Variants in CCDC15 observed in about 807,000 individuals in gnomAD.
CCDC15 encodes the protein coiled-coil domain-containing protein 15.
CCDC15 carries 105 observed loss-of-function variants against 114.5 expected under a neutral mutation model. The observed-to-expected ratio is 0.92, with a 90% CI of 0.78 to 1.08. The LOEUF is 1.08. Ranked by LOEUF, CCDC15 falls within the 50% of genes least tolerant of loss-of-function variation. CCDC15 has a pLI of 0.00. For synonymous variants in CCDC15, 334 were observed against 377.8 expected (o/e 0.88, Z 1.34); for missense variants, 1,105 against 1,093.6 (o/e 1.01, Z -0.15).
intron 13 of CCDC15, among the ~76,000 whole-genome samples, chr11:125,018,014 AATTT>A (rs909621202): frequency 1.3e-5 from 2 of 152,094 alleles, no homozygotes; most frequent in Non-Finnish European, 2.9e-5. Context: ...AGCTGAGGTT[AATTT>A]ATTATTGAAG....
intron 11 of CCDC15, among the ~76,000 whole-genome samples, chr11:125,001,055 G>T (rs1488862486): frequency 6.6e-6 from 1 of 152,098 alleles, no homozygotes; most frequent in Non-Finnish European, 1.5e-5. Context: ...TTTCCATAAG[G>T]TACACCACTG....
chr11:125,006,937 C>A (rs1397373969), intron 13 of CCDC15, among the ~76,000 whole-genome samples: 1 of 152,062 alleles, frequency 6.6e-6, no homozygotes, highest in African/African-American at 2.4e-5. Context: ...GCTTTACTTA[C>A]ATATTTTTAT....
chr11:124,955,700 A>G (rs1947536444), intron 2 of CCDC15, among the ~76,000 whole-genome samples: 1 of 152,358 alleles, frequency 6.6e-6, no homozygotes, highest in Admixed American at 6.5e-5. Context: ...AGGATGAGAT[A>G]TGTTCCCTCA....
intron 13 of CCDC15, 125 bp from the exon 14 acceptor site, chr11:125,038,306 G>A: frequency 3.3e-6 from 2 of 598,240 alleles, no homozygotes; most frequent in East Asian, 6.5e-5. Flanking sequence ...GGATATTCTT[G>A]GGATATTAAA....
In CCDC15 at chr11:124,986,704, C is replaced by CGT. The variant is rs767217050; in HGVS notation, c.754-37_754-36insTG. On this transcript the variant is annotated intron_variant, in intron 6 of 15. Transcript: ENST00000344762. Reference sequence around the variant, plus strand: ...GTGTGTGTGTGTTTGTGTGTGTGCGCGCGCGCGCGTGCGCGTTTTCATTGT... The same window carrying CGT: ...GTGTGTGTGTGTTTGTGTGTGTGCGCGTGCGCGCGCGTGCGCGTTTTCATTGT... 4.9e-5 allele frequency: 69 copies of CGT among 1,409,892 alleles called. 1 individual carries two copies. In the South Asian group the frequency reaches 7.2e-4, roughly 15 times the overall value. 87.3% of individuals were successfully genotyped at this position (1,409,892 alleles called of 1,614,324 possible).
At chr11:125,029,425 C>G (rs1948724187) in intron 13 of CCDC15, among the ~76,000 whole-genome samples, 1 of 152,170 alleles carries the variant, frequency 6.6e-6, no homozygotes, top group South Asian at 2.1e-4. Flanking sequence ...CGGAAACGCA[C>G]AAATCCCCAA....
At chr11:125,011,730 A>G (rs913674744) in intron 13 of CCDC15, among the ~76,000 whole-genome samples, 2 of 152,178 alleles carry the variant, frequency 1.3e-5, no homozygotes, top group African/African-American at 4.8e-5. Context: ...TACAAATACA[A>G]GTTTATGTAC....
chr11:125,030,546 G>A (rs1385318194), intron 13 of CCDC15, among the ~76,000 whole-genome samples: 19 of 152,216 alleles, frequency 1.2e-4, no homozygotes, highest in Non-Finnish European at 7.3e-5. Flanking sequence ...GAGTAAGTGT[G>A]TATTCCAGTG....
chr11:125,039,162 T>A, intron 15 of CCDC15, 93 bp downstream of exon 15: 1 of 1,228,262 alleles, frequency 8.1e-7, no homozygotes, highest in South Asian at 1.7e-5. Context: ...ATTGAGTGCT[T>A]ACTATGTATC....
intron 8 of CCDC15, among the ~76,000 whole-genome samples, chr11:124,989,507 G>C (rs902258000): frequency 6.6e-6 from 1 of 152,228 alleles, no homozygotes; most frequent in Non-Finnish European, 1.5e-5. Context: ...GAGTCAGCCT[G>C]TCCTTTGAAA....
At chr11:124,974,526 C>A (rs1213424436) in intron 4 of CCDC15, among the ~76,000 whole-genome samples, 1 of 152,012 alleles carries the variant, frequency 6.6e-6, no homozygotes, top group East Asian at 1.9e-4. Flanking sequence ...AATTTGTGTT[C>A]TAAGTTAATT....
chr11:124,986,690 T>TG (rs1555068457), intron 6 of CCDC15, 52 bp from the exon 7 acceptor site: 43,077 of 1,332,682 alleles, frequency 0.032, 2,135 homozygotes, highest in African/African-American at 0.11. Context: ...TGTGTGTGTG[T>TG]TTGTGTGTGT....
chr11:125,008,600 C>T (rs1948567486), intron 13 of CCDC15, among the ~76,000 whole-genome samples: 1 of 152,156 alleles, frequency 6.6e-6, no homozygotes, highest in African/African-American at 2.4e-5. Context: ...AGCAGGTAAA[C>T]TTACAGTTTC....
intron 2 of CCDC15, among the ~76,000 whole-genome samples, chr11:124,956,121 C>G (rs1179825841): frequency 2.0e-5 from 3 of 151,018 alleles, no homozygotes; most frequent in African/African-American, 7.4e-5. Flanking sequence ...GGTAGAGTAC[C>G]TTAGGAAATT....
chr11:124,968,526 G>A (rs555583526), intron 4 of CCDC15, among the ~76,000 whole-genome samples: 1 of 152,310 alleles, frequency 6.6e-6, no homozygotes, highest in South Asian at 2.1e-4. Context: ...GCAGTATTAG[G>A]GCGGGAGTGT....
At position 124,988,081 on chromosome 11, in the gene CCDC15, G is replaced by A. The variant is rs1948206838; in HGVS notation, c.1855G>A (p.Asp619Asn). 3.1e-6 allele frequency: 5 copies of A among 1,613,730 alleles called. No individual in the cohort carries two copies. Among genetic ancestry groups the A allele is most frequent in the African/African-American group, 1.3e-5 (1 of 74,880 alleles). Residue 619 changes from aspartate (D) to asparagine (N), a missense_variant, in exon 8 of 16, where the codon GAC (aspartate) becomes AAC (asparagine). Asp to Asn is a conservative substitution (Grantham distance 23, BLOSUM62 1). Coordinates refer to ENST00000344762, the MANE Select transcript of CCDC15 (RefSeq NM_025004.3). ...LPRDLHVLSN[D>N]QNILPKCQDQ... ...CAGAGACCTGCATGTTCTCTCCAAC[G>A]ACCAGAATATTCTACCCAAATGTCA...
chr11:125,037,273 C>G (rs997696226), intron 13 of CCDC15, among the ~76,000 whole-genome samples: 3 of 152,196 alleles, frequency 2.0e-5, no homozygotes, highest in Non-Finnish European at 2.9e-5. Context: ...TAAGATCATT[C>G]TGAATACTCT....
chr11:125,005,454 A>C (rs1409499424), intron 13 of CCDC15, among the ~76,000 whole-genome samples: 1 of 152,142 alleles, frequency 6.6e-6, no homozygotes, highest in Non-Finnish European at 1.5e-5. Context: ...CAGAAAGTAC[A>C]GAGAGTATAC....
At chr11:125,010,225 G>A (rs140543823) in intron 13 of CCDC15, among the ~76,000 whole-genome samples, 44 of 152,200 alleles carry the variant, frequency 2.9e-4, no homozygotes, top group Non-Finnish European at 5.3e-4. Flanking sequence ...GTGTTAGATA[G>A]TATCTCATTG....
Sources: allele counts gnomAD v4.1 joint callset (sites outside exome capture counted in the v4.1 genomes callset), GRCh38; gene constraint gnomAD v4.1.1; transcripts MANE v1.5; gene names NCBI Gene and HGNC (gene_info 2026-07-23, HGNC 2026-07-21).